The following DCC variants were observed in gnomAD, a reference collection of about 807,000 sequenced individuals.
DCC encodes DCC netrin 1 receptor.
DCC carries 58 observed loss-of-function variants against 172.5 expected under a neutral mutation model. That is an observed-to-expected ratio of 0.34 (90% confidence interval 0.27 to 0.42). The LOEUF is 0.42. DCC is among the 10% of genes least tolerant of loss of function. DCC has a pLI of 1.00. For missense variants in DCC, 1,740 were observed against 1,791.0 expected (o/e 0.97, Z 0.51); for synonymous variants, 709 against 644.5 (o/e 1.10, Z -1.52).
chr18:53,307,707 T>C (rs2057216302), intron 13 of DCC, among the ~76,000 whole-genome samples: 1 of 151,372 alleles, frequency 6.6e-6, no homozygotes. Flanking sequence ...AAATGTTCAA[T>C]CTCATTAGCA....
At chr18:52,834,465 T>A (rs565162080) in intron 2 of DCC, among the ~76,000 whole-genome samples, 30 of 152,264 alleles carry the variant, frequency 2.0e-4, no homozygotes, top group African/African-American at 7.0e-4. Context: ...GTGAGTCTGA[T>A]ATTCACTGAA....
chr18:53,484,688 A>G (rs2045880608), intron 25 of DCC, among the ~76,000 whole-genome samples: 1 of 152,020 alleles, frequency 6.6e-6, no homozygotes, highest in South Asian at 2.1e-4. Context: ...AAGAGACTAT[A>G]CCTTTTTAAC....
intron 1 of DCC, among the ~76,000 whole-genome samples, chr18:52,342,998 A>G (rs1983722762): frequency 6.6e-6 from 1 of 152,228 alleles, no homozygotes; most frequent in African/African-American, 2.4e-5. Context: ...AGGGATACAT[A>G]CACACACATA....
intron 1 of DCC, among the ~76,000 whole-genome samples, chr18:52,533,412 T>C (rs1598893436): frequency 6.6e-6 from 1 of 152,130 alleles, no homozygotes; most frequent in Non-Finnish European, 1.5e-5. Context: ...CCTTCTACCA[T>C]CCCTAGCCTC....
intron 7 of DCC, among the ~76,000 whole-genome samples, chr18:53,117,635 T>C (rs1052048175): frequency 8.6e-5 from 13 of 151,670 alleles, no homozygotes; most frequent in African/African-American, 2.7e-4. Context: ...CATTCAGATT[T>C]AACCGCTTTT....
intron 5 of DCC, among the ~76,000 whole-genome samples, chr18:52,980,875 A>G (rs1439213949): frequency 6.6e-6 from 1 of 151,992 alleles, no homozygotes; most frequent in Non-Finnish European, 1.5e-5. Flanking sequence ...GAAGAAATCT[A>G]GGCTAATCTG....
intron 1 of DCC, 67 bp from the exon 2 acceptor site, chr18:52,751,987 A>T: frequency 7.5e-7 from 1 of 1,339,152 alleles, no homozygotes; most frequent in Non-Finnish European, 1.1e-6. Context: ...TAAAGAAAAG[A>T]CAGGGAATCT....
intron 2 of DCC, among the ~76,000 whole-genome samples, chr18:52,794,733 C>G (rs2037839870): frequency 6.6e-6 from 1 of 151,994 alleles, no homozygotes; most frequent in African/African-American, 2.4e-5. Flanking sequence ...AGGCTTTCAA[C>G]TTTTTTTCCA....
At chr18:53,430,698 T>C (rs1174787404) in intron 21 of DCC, among the ~76,000 whole-genome samples, 1 of 152,136 alleles carries the variant, frequency 6.6e-6, no homozygotes, top group Non-Finnish European at 1.5e-5. Flanking sequence ...TAGTAATAAC[T>C]TAAGATTTGT....
At position 53,188,317 on chromosome 18, in the gene DCC, T is replaced by C. The variant is rs188496289; in HGVS notation, c.1573+9201T>C. Among the ~76,000 whole-genome samples the C allele has an allele frequency of 5.6e-3, 856 of 152,326 alleles. 6 individuals carry two copies. Among genetic ancestry groups the C allele is most frequent in the Admixed American group, 0.023 (352 of 15,304 alleles). On this transcript the variant is annotated intron_variant, in intron 9 of 28. Coordinates refer to ENST00000442544, the MANE Select transcript of DCC (RefSeq NM_005215.4). ...ATCCTAAACAATGGGCTTACAATAA[T>C]GGCAGTTTCTCTTCCTGAAATGGAA...
chr18:52,746,643 T>G (rs1718503533), intron 1 of DCC, among the ~76,000 whole-genome samples: 1 of 152,186 alleles, frequency 6.6e-6, no homozygotes, highest in Admixed American at 6.6e-5. Context: ...GGGACCAAGC[T>G]TAGAGAAATA....
At chr18:52,549,832 A>G (rs937431343) in intron 1 of DCC, among the ~76,000 whole-genome samples, 1 of 149,630 alleles carries the variant, frequency 6.7e-6, no homozygotes, top group Non-Finnish European at 1.5e-5. Flanking sequence ...TTTTTCCTTT[A>G]CAGAAATTGT....
chr18:52,592,477 T>C (rs1052807221), intron 1 of DCC, among the ~76,000 whole-genome samples: 5 of 152,182 alleles, frequency 3.3e-5, no homozygotes, highest in African/African-American at 1.2e-4. Context: ...TTGGCGGAAT[T>C]CACTTTACAA....
Position 52,577,013 on chromosome 18 carries a change from A to G in DCC, c.92-175041A>G, listed in dbSNP as rs151270168. Among the ~76,000 whole-genome samples the G allele has an allele frequency of 5.6e-3, 850 of 152,302 alleles. 9 individuals are homozygous for G. The highest frequency in any genetic ancestry group is 0.02 in the African/African-American group (822 of 41,566). ...TTTATGAACATATGGTAATTTATCA[A>G]CATAGTCAATATTTGGGTGTTTTCA... On this transcript the variant is annotated intron_variant, in intron 1 of 28. Coordinates refer to ENST00000442544, the MANE Select transcript of DCC (RefSeq NM_005215.4).
intron 9 of DCC, among the ~76,000 whole-genome samples, chr18:53,202,896 G>A (rs2055562512): frequency 6.6e-6 from 1 of 152,092 alleles, no homozygotes; most frequent in Non-Finnish European, 1.5e-5. Context: ...AAAAATATCA[G>A]TTGCCTGAAA....
chr18:52,538,879 G>T (rs1024735383), intron 1 of DCC, among the ~76,000 whole-genome samples: 1 of 152,142 alleles, frequency 6.6e-6, no homozygotes, highest in Non-Finnish European at 1.5e-5. Flanking sequence ...AGTAGAATTT[G>T]AATACAGTGT....
At chr18:52,979,967 A>G (rs2041180886) in intron 5 of DCC, among the ~76,000 whole-genome samples, 1 of 152,122 alleles carries the variant, frequency 6.6e-6, no homozygotes, top group South Asian at 2.1e-4. Context: ...TGTTACTTGA[A>G]AAGGAGAGGG....
At chr18:53,388,202 A>C (rs932156037) in intron 16 of DCC, among the ~76,000 whole-genome samples, 2 of 152,226 alleles carry the variant, frequency 1.3e-5, no homozygotes, top group Admixed American at 6.5e-5. Flanking sequence ...AGAATGCGTG[A>C]TTCCAGCCCT....
At chr18:53,482,984 A>G (rs1294714941) in intron 25 of DCC, among the ~76,000 whole-genome samples, 1 of 151,956 alleles carries the variant, frequency 6.6e-6, no homozygotes, top group African/African-American at 2.4e-5. Flanking sequence ...TCACTCTAAA[A>G]GTCTCCAGTG....
Sources: gnomAD v4.1 joint callset for allele counts (sites outside exome capture counted in the v4.1 genomes callset) on GRCh38, gnomAD v4.1.1 for gene constraint, MANE v1.5 for transcripts, NCBI Gene and HGNC (gene_info 2026-07-23, HGNC 2026-07-21) for gene names.